Variants in TIMM9 observed in about 807,000 individuals in gnomAD.
TIMM9 encodes translocase of inner mitochondrial membrane 9, also known as mitochondrial import inner membrane translocase subunit Tim9.
Under a neutral mutation model 13.4 loss-of-function variants are expected in TIMM9, and 10 were observed. That is an observed-to-expected ratio of 0.75 (90% CI 0.46 to 1.26). TIMM9 has a LOEUF of 1.26. Among genes scored for constraint, TIMM9 ranks in the 50% most tolerant of loss-of-function variants. The pLI is 0.00. For synonymous variants in TIMM9, 32 were observed against 32.1 expected, an observed-to-expected ratio of 1.00 and a Z score of 0.01; for missense variants, 87 against 100.8, an observed-to-expected ratio of 0.86 and a Z score of 0.58.
chr14:58,419,881 C>T (rs1034742899), intron 3 of TIMM9, among the ~76,000 whole-genome samples: 2 of 152,192 alleles, frequency 1.3e-5, no homozygotes, highest in Non-Finnish European at 2.9e-5. Flanking sequence ...TGTGCCACTG[C>T]ACTCCAGCCT....
intron 3 of TIMM9, among the ~76,000 whole-genome samples, chr14:58,420,000 C>T (rs2036541883): frequency 6.6e-6 from 1 of 152,174 alleles, no homozygotes; most frequent in South Asian, 2.1e-4. Context: ...CCATGTTGCC[C>T]AGGCTGTCTC....
chr14:58,414,333 C>CA (rs200126732), intron 3 of TIMM9, among the ~76,000 whole-genome samples: 367 of 151,280 alleles, frequency 2.4e-3, no homozygotes, highest in African/African-American at 8.6e-3. Flanking sequence ...GCCACCATCA[C>CA]AAAAAAAAAT....
At chr14:58,418,638 T>C (rs536766037) in intron 3 of TIMM9, among the ~76,000 whole-genome samples, 16 of 152,338 alleles carry the variant, frequency 1.1e-4, no homozygotes, top group African/African-American at 3.8e-4. Context: ...AAAAAATCAA[T>C]TGTATTTCTA....
In TIMM9 at chr14:58,409,184, G is replaced by T; in HGVS notation, c.136-16C>A. The T allele has an allele frequency of 1.9e-6, 3 of 1,608,350 alleles. No homozygotes were observed. The highest frequency in any genetic ancestry group is 4.5e-5 in the East Asian group (2 of 44,604). On this transcript the variant is annotated splice_polypyrimidine_tract_variant and intron_variant, in intron 5 of 5. Coordinates refer to ENST00000395159, the MANE Select transcript of TIMM9 (RefSeq NM_012460.4). ...AACAGGTGGTCTAGGAATGAAAAGGGAAGATCCAAGAGGCAACACAAAAAT... is the reference window on the plus strand; with the variant it reads ...AACAGGTGGTCTAGGAATGAAAAGGTAAGATCCAAGAGGCAACACAAAAAT...
At chr14:58,426,530 T>C (rs1028041724) in intron 2 of TIMM9, among the ~76,000 whole-genome samples, 1 of 152,192 alleles carries the variant, frequency 6.6e-6, no homozygotes, top group African/African-American at 2.4e-5. Context: ...AAGTCTAGAC[T>C]TCTATGAAGG....
Position 58,408,965 on chromosome 14 carries a change from A to G in TIMM9, c.*69T>C, listed in dbSNP as rs1463657724. ...TACTGCTTTCAGGGGATTCTATCAG[A>G]TGAGTCCTCATTTCCAATAAAGCAG... On this transcript the variant is annotated 3_prime_UTR_variant, in exon 6 of 6. Transcript: ENST00000395159. 1.9e-6 allele frequency: 3 copies of G among 1,567,294 alleles called. No individual in the cohort carries two copies. The highest frequency in any genetic ancestry group is 2.6e-6 in the Non-Finnish European group (3 of 1,162,042).
chr14:58,409,007 A>C lies in TIMM9; in HGVS notation c.*27T>G. The C allele has an allele frequency of 6.3e-7, 1 of 1,593,968 alleles. No homozygotes were observed. The highest frequency in any genetic ancestry group is 8.5e-7 in the Non-Finnish European group (1 of 1,175,078). ...ATAAAGCAGCTGTTGGCAATCTTTCATCAAAAGTTCATCCATCAGGACTTC... is the reference window on the plus strand; with the variant it reads ...ATAAAGCAGCTGTTGGCAATCTTTCCTCAAAAGTTCATCCATCAGGACTTC... On this transcript the variant is annotated 3_prime_UTR_variant, in exon 6 of 6. Coordinates refer to ENST00000395159, the MANE Select transcript of TIMM9 (RefSeq NM_012460.4).
intron 3 of TIMM9, among the ~76,000 whole-genome samples, chr14:58,419,790 C>T (rs996323165): frequency 6.6e-6 from 1 of 151,974 alleles, no homozygotes; most frequent in Non-Finnish European, 1.5e-5. Context: ...GTGGCACATA[C>T]CTGTAGTCCC....
intron 3 of TIMM9, among the ~76,000 whole-genome samples, chr14:58,416,422 T>C (rs1212696986): frequency 6.6e-6 from 1 of 152,090 alleles, no homozygotes; most frequent in Non-Finnish European, 1.5e-5. Flanking sequence ...CAACTGTCAA[T>C]GCAGAAACCT....
At chr14:58,415,575 T>C (rs1398854269) in intron 3 of TIMM9, among the ~76,000 whole-genome samples, 1 of 151,972 alleles carries the variant, frequency 6.6e-6, no homozygotes, top group Non-Finnish European at 1.5e-5. Context: ...CAAAATAAAC[T>C]CAATGAATAA....
intron 3 of TIMM9, among the ~76,000 whole-genome samples, chr14:58,415,163 G>T (rs901762470): frequency 6.6e-6 from 1 of 152,160 alleles, no homozygotes; most frequent in South Asian, 2.1e-4. Flanking sequence ...TCAGAGTGAG[G>T]AAGATGAATT....
At chr14:58,422,696 A>G (rs2140341835) in intron 3 of TIMM9, among the ~76,000 whole-genome samples, 1 of 152,322 alleles carries the variant, frequency 6.6e-6, no homozygotes, top group East Asian at 1.9e-4. Flanking sequence ...GAGAATTTGA[A>G]AAACAAAAGA....
chr14:58,419,835 T>G lies in TIMM9; in HGVS notation c.-27+4173A>C, dbSNP rs552290233. Among the ~76,000 whole-genome samples the G allele has an allele frequency of 2.6e-5, 4 of 152,264 alleles. No homozygotes were observed. The South Asian group carries it at 6.2e-4, about 24-fold the overall frequency. ...AGAGGCTGAGGTAGGAAGGATGGAT[T>G]GCGCCCAGGAGGCAGAGGCTGCAGT... On this transcript the variant is annotated intron_variant, in intron 3 of 5. Coordinates refer to ENST00000395159, the MANE Select transcript of TIMM9 (RefSeq NM_012460.4).
rs1595033491 is a variant in TIMM9, at chr14:58,425,248, T to TA, written c.-114-1154dup. 2.0e-5 allele frequency among the ~76,000 whole-genome samples: 3 copies of TA among 152,026 alleles called. No homozygotes were observed. In the East Asian group the frequency reaches 5.8e-4, roughly 29 times the overall value. ...CAACATGGTGAAACCCCATCTTTAC[T>TA]AAAAACACAAAAATTATCTGGGCAG... On this transcript the variant is annotated intron_variant, in intron 2 of 5. Transcript: ENST00000395159.
chr14:58,420,307 A>G (rs2140336844), intron 3 of TIMM9, among the ~76,000 whole-genome samples: 1 of 152,340 alleles, frequency 6.6e-6, no homozygotes, highest in African/African-American at 2.4e-5. Context: ...TGCAAACTAC[A>G]TAACTGACAA....
chr14:58,424,468 T>TC (rs964110758), intron 2 of TIMM9, among the ~76,000 whole-genome samples: 1 of 152,202 alleles, frequency 6.6e-6, no homozygotes, highest in Non-Finnish European at 1.5e-5. Flanking sequence ...TCCAGTATTT[T>TC]CCCCATTGCA....
At position 58,427,498 on chromosome 14, in the gene TIMM9, T is replaced by C; in HGVS notation, c.-410A>G. On this transcript the variant is annotated 5_prime_UTR_variant, in exon 1 of 6. Coordinates refer to ENST00000395159, the MANE Select transcript of TIMM9 (RefSeq NM_012460.4). ...GAGCTCTTCAAGTCTTGGATGAGAC[T>C]GTAGAGCGGTCTTGTGCGGCAATGT... is the stretch of plus-strand genomic sequence containing the variant. The C allele has an allele frequency of 8.1e-7, 1 of 1,236,246 alleles. No individual in the cohort carries two copies. The highest frequency in any genetic ancestry group is 1.1e-6 in the Non-Finnish European group (1 of 882,252). 76.6% of individuals were successfully genotyped at this position (1,236,246 alleles called of 1,614,324 possible). A position where few individuals can be genotyped will look rare whatever the true frequency, so the allele number is the denominator to read the frequency against.
At chr14:58,411,058 A>AT in intron 4 of TIMM9, 120 bp from the exon 5 acceptor site, 1 of 688,068 alleles carries the variant, frequency 1.5e-6, no homozygotes. Flanking sequence ...AATCATAGTT[A>AT]TTATGCTAAC....
chr14:58,411,865 AT>A, intron 4 of TIMM9, 41 bp downstream of exon 4: 2 of 1,599,016 alleles, frequency 1.3e-6, no homozygotes, highest in South Asian at 1.1e-5. Context: ...AGCACCTTAC[AT>A]TTTTTTGCAA....
Sources: allele counts gnomAD v4.1 joint callset (sites outside exome capture counted in the v4.1 genomes callset), GRCh38; gene constraint gnomAD v4.1.1; transcripts MANE v1.5; gene names NCBI Gene and HGNC (gene_info 2026-07-23, HGNC 2026-07-21).